MYH6: variants seen among roughly 807,000 people sequenced by gnomAD.
The protein encoded by MYH6 is myosin-6.
MYH6 carries 126 observed loss-of-function variants against 223.2 expected under a neutral mutation model. The observed-to-expected ratio is 0.56, with a 90% CI of 0.49 to 0.65. The LOEUF (loss-of-function observed/expected upper bound fraction) is 0.65. Among genes scored for constraint, MYH6 ranks in the 30% least tolerant of loss-of-function variants. MYH6 has a pLI of 0.00. For synonymous variants in MYH6, 978 were observed against 1,010.2 expected (o/e 0.97, Z 0.61); for missense variants, 2,040 against 2,536.4 (o/e 0.80, Z 4.20).
rs777360238 is a variant in MYH6, at chr14:23,405,272, C to G, written c.453G>C (p.Pro151=). ...AYRGKKRSEA[P]PHIFSISDNA... ...TGTCGGAGATGGAGAAGATGTGGGG[C>G]GGGGCCTCACTCCTCTTCTTGCCCC... Residue 151 remains proline (P), a synonymous_variant, in exon 5 of 39, where the codon CCG becomes CCC. Coordinates refer to ENST00000405093, the MANE Select transcript of MYH6 (RefSeq NM_002471.4). This position sits in a 1 kb window ranked among gnomAD's most constrained non-coding sequence, Gnocchi z 4.7. 6.2e-7 allele frequency: 1 copy of G among 1,614,018 alleles called. No individual in the cohort carries two copies. Among genetic ancestry groups the G allele is most frequent in the Non-Finnish European group, 8.5e-7 (1 of 1,180,032 alleles).
intron 36 of MYH6, among the ~76,000 whole-genome samples, chr14:23,383,587 C>T (rs1461435841): frequency 6.6e-6 from 1 of 152,068 alleles, no homozygotes; most frequent in Non-Finnish European, 1.5e-5. Context: ...AATGGAATTC[C>T]CTAATGTGGT....
chr14:23,403,027 AAGG>A (rs1891657358), intron 10 of MYH6, among the ~76,000 whole-genome samples: 1 of 151,724 alleles, frequency 6.6e-6, no homozygotes, highest in Non-Finnish European at 1.5e-5. Context: ...CTCCAGTAAC[AAGG>A]AGGAGGGAGG....
Position 23,405,377 on chromosome 14 carries a change from G to A in MYH6, c.348C>T (p.Thr116=). ...CAGTGACACAGAAGAGGCCCGAGTAGGTCTGGAGCAGGAGACAAGGCTGGG... is the reference window on the plus strand; with the variant it reads ...CAGTGACACAGAAGAGGCCCGAGTAAGTCTGGAGCAGGAGACAAGGCTGGG... ...KERYAAWMIY[T]YSGLFCVTVN... Residue 116 remains threonine (T), a splice_region_variant and synonymous_variant, in exon 5 of 39, where the codon ACC becomes ACT. Transcript: ENST00000405093. The surrounding 1 kb of genome is among the most constrained non-coding windows in gnomAD (Gnocchi z 4.7). The A allele has an allele frequency of 6.2e-7, 1 of 1,614,156 alleles. No homozygotes were observed. Among genetic ancestry groups the A allele is most frequent in the Non-Finnish European group, 8.5e-7 (1 of 1,179,978 alleles).
intron 36 of MYH6, 60 bp downstream of exon 36, chr14:23,384,382 G>A (rs986654022): frequency 1.2e-6 from 2 of 1,601,374 alleles, no homozygotes; most frequent in East Asian, 2.2e-5. Context: ...GTGAGGGCGG[G>A]GCAGTGGGGC....
rs1595062936 is a variant in MYH6 at position 23,402,818 on chromosome 14, T to A, written c.899-18A>T. The stretch of plus-strand genomic sequence containing the variant: ...CAGCATGTCTGCACCAGGCAAGGGG[T>A]GAGGCAGGGGCAAGGGGGCAGGCGG... On this transcript the variant is annotated intron_variant, in intron 10 of 38. Coordinates refer to ENST00000405093, the MANE Select transcript of MYH6 (RefSeq NM_002471.4). 1 of 1,521,060 alleles carries A rather than the reference T, an allele frequency of 6.6e-7. No homozygotes were observed. Among genetic ancestry groups the A allele is most frequent in the Non-Finnish European group, 8.8e-7 (1 of 1,135,914 alleles). The allele number at this position is 1,521,060 out of a possible 1,614,324, so 94.2% of individuals were successfully genotyped here. A position where few individuals can be genotyped will look rare whatever the true frequency, so the allele number is the denominator to read the frequency against.
rs763070661 is a variant in MYH6, at chr14:23,388,867, T to C, written c.4167A>G (p.Glu1389=). Residue 1389 remains glutamate, a synonymous_variant, in exon 29 of 39, where the codon GAA becomes GAG. Transcript: ENST00000405093. Reference sequence around the variant, plus strand: ...GGGTATCTGGAGCTCACTTGGCCTCTTCGAGCTCCTCAGTCCGCTGAATGG... The same window carrying C: ...GGGTATCTGGAGCTCACTTGGCCTCCTCGAGCTCCTCAGTCCGCTGAATGG... ...TDAIQRTEEL[E]EAKKKLAQRL... is the part of the protein sequence containing the mutation. 3 of 1,613,848 alleles carry C rather than the reference T, an allele frequency of 1.9e-6. No homozygotes were observed. The highest frequency in any genetic ancestry group is 1.7e-5 in the Admixed American group (1 of 60,030).
chr14:23,407,478 G>T lies in MYH6; in HGVS notation c.-14+98C>A. The T allele has an allele frequency of 7.8e-7, 1 of 1,289,684 alleles. No individual in the cohort carries two copies. The highest frequency in any genetic ancestry group is 1.0e-6 in the Non-Finnish European group (1 of 981,466). The allele number at this position is 1,289,684 out of a possible 1,614,324, so 79.9% of individuals were successfully genotyped here. A position where few individuals can be genotyped will look rare whatever the true frequency, so the allele number is the denominator to read the frequency against. ...ATTGGCTGGAGTATGCTAAGGGTTGGCGCTGAGTGCTTGGGACAGCAGACC... is the reference window on the plus strand; with the variant it reads ...ATTGGCTGGAGTATGCTAAGGGTTGTCGCTGAGTGCTTGGGACAGCAGACC... On this transcript the variant is annotated intron_variant, in intron 2 of 38. Coordinates refer to ENST00000405093, the MANE Select transcript of MYH6 (RefSeq NM_002471.4). The surrounding 1 kb of genome is among the most constrained non-coding windows in gnomAD (Gnocchi z 5.6).
chr14:23,388,692 A>G (rs1566507154), intron 29 of MYH6, 167 bp downstream of exon 29: 3 of 1,147,192 alleles, frequency 2.6e-6, no homozygotes, highest in South Asian at 1.2e-5. Flanking sequence ...GGCCAGCCAG[A>G]GTTCACAGAG....
At position 23,386,530 on chromosome 14, in the gene MYH6, C is replaced by T. The variant is rs1050811589; in HGVS notation, c.4744G>A (p.Asp1582Asn). The T allele has an allele frequency of 1.9e-6, 3 of 1,614,120 alleles. No homozygotes were observed. The highest frequency in any genetic ancestry group is 1.7e-6 in the Non-Finnish European group (2 of 1,180,004). Reference sequence around the variant, plus strand: ...CGCTTGGCCTGTTCCATCTCCTCGTCCTTCTCTGCCAGCTTCCGCTCGATC... The same window carrying T: ...CGCTTGGCCTGTTCCATCTCCTCGTTCTTCTCTGCCAGCTTCCGCTCGATC... ...AEIERKLAEK[D>N]EEMEQAKRNH... The change falls in exon 33 of 39, where the codon GAC becomes AAC. Residue 1582 changes from aspartate (D) to asparagine (N), a missense_variant. Transcript: ENST00000405093.
chr14:23,397,932 C>CTCCTCCTCTTCTTCTTCTTCT (rs1891452078), intron 15 of MYH6, among the ~76,000 whole-genome samples: 1 of 90,142 alleles, frequency 1.1e-5, no homozygotes, highest in African/African-American at 4.3e-5. Context: ...CCTCCTCCTC[C>CTCCTCCTCTTCTTCTTCTTCT]TCTTCTTCTT....
rs1270444359 is a variant in MYH6 at position 23,407,207 on chromosome 14, A to G, written c.17T>C (p.Met6Thr). 5.0e-6 allele frequency: 8 copies of G among 1,614,212 alleles called. No homozygotes were observed. Among genetic ancestry groups the G allele is most frequent in the Non-Finnish European group, 6.8e-6 (8 of 1,180,040 alleles). ...CTGGGCCGCTGCCCCAAAGTCAGCC[A>G]TCTGGGCATCGGTCATCTTGGTGCT... MTDAQ[M>T]ADFGAAAQYL... Residue 6 changes from methionine to threonine, a missense_variant, in exon 3 of 39, where the codon ATG (methionine) becomes ACG (threonine). Physicochemically the swap from Met to Thr is moderately conservative, Grantham distance 81. This residue lies in a region of MYH6 where 184 missense variants were observed against 232.4 expected (regional missense o/e 0.79). Coordinates refer to ENST00000405093, the MANE Select transcript of MYH6 (RefSeq NM_002471.4). This position sits in a 1 kb window ranked among gnomAD's most constrained non-coding sequence, Gnocchi z 5.6.
In MYH6 at chr14:23,398,732, A is replaced by G. The variant is rs2138609012; in HGVS notation, c.1887T>C (p.Asp629=). ...GTGCAGGGGCTGCCTGCTTACCAGT[A>G]TCGGCAGTTGCGTAGGAGGAGAAGA... The part of the protein sequence containing the change: ...ATLFSSYATA[D]TGDSGKSKGG... Residue 629 remains aspartate, a synonymous_variant, in exon 15 of 39, where the codon GAT becomes GAC. Transcript: ENST00000405093. 6.2e-7 allele frequency: 1 copy of G among 1,614,168 alleles called. No individual in the cohort carries two copies. Among genetic ancestry groups the G allele is most frequent in the Non-Finnish European group, 8.5e-7 (1 of 1,180,034 alleles).
rs1208217893 is a variant in MYH6 at position 23,397,228 on chromosome 14, C to T, written c.1992G>A (p.Leu664=). The change falls in exon 17 of 39, where the codon CTG becomes CTA. Residue 664 remains leucine, a synonymous_variant. Transcript: ENST00000405093. ...GCACAAAGTGAGGATGGGTGGTCCTCAGGTTGGTCATTAGCTTGTTGAGAT... is the reference window on the plus strand; with the variant it reads ...GCACAAAGTGAGGATGGGTGGTCCTTAGGTTGGTCATTAGCTTGTTGAGAT... ...RENLNKLMTN[L]RTTHPHFVRC... is the part of the protein sequence containing the mutation. 46 of 1,614,188 alleles carry T rather than the reference C, an allele frequency of 2.8e-5. No homozygotes were observed. The highest frequency in any genetic ancestry group is 3.7e-5 in the Non-Finnish European group (44 of 1,180,038).
intron 14 of MYH6, 86 bp from the exon 15 acceptor site, chr14:23,399,123 T>C: frequency 1.3e-6 from 2 of 1,543,208 alleles, no homozygotes; most frequent in Non-Finnish European, 1.8e-6. Context: ...GGAAAAGGAA[T>C]CTGGAGCCAG....
In MYH6 at chr14:23,399,032, C is replaced by T; in HGVS notation, c.1587G>A (p.Met529Ile). The change falls in exon 15 of 39, where the codon ATG (methionine) becomes ATA (isoleucine). Residue 529 changes from methionine (M) to isoleucine (I), a missense_variant. Met to Ile is a conservative substitution (Grantham distance 10). Around this residue, in one of 4 missense-constraint regions of MYH6, gnomAD observed 649 missense variants for 877.3 expected, o/e 0.74. Transcript: ENST00000405093. Reference sequence around the variant, plus strand: ...CCTCCTCCAGGATGGACATGATGCCCATGGGCTGAGGGCAGGGTGAAGAGG... The same window carrying T: ...CCTCCTCCAGGATGGACATGATGCCTATGGGCTGAGGGCAGGGTGAAGAGG... The part of the protein sequence containing the change: ...QACIDLIEKP[M>I]GIMSILEEEC... 1 of 1,614,096 alleles carries T rather than the reference C, an allele frequency of 6.2e-7. No individual in the cohort carries two copies. Among genetic ancestry groups the T allele is most frequent in the Non-Finnish European group, 8.5e-7 (1 of 1,180,016 alleles).
chr14:23,390,520 A>G (rs1891208361), intron 25 of MYH6, 74 bp from the exon 26 acceptor site: 1 of 1,567,462 alleles, frequency 6.4e-7, no homozygotes, highest in African/African-American at 1.4e-5. Flanking sequence ...CTGAAAAGCT[A>G]CCAGGAACTT....
chr14:23,382,214 T>C (rs960270345), intron 38 of MYH6, 151 bp from the exon 39 acceptor site: 1 of 1,122,654 alleles, frequency 8.9e-7, no homozygotes, highest in Non-Finnish European at 1.4e-6. Context: ...TTAGAGGCAC[T>C]TGTGGTTTAG....
intron 25 of MYH6, among the ~76,000 whole-genome samples, chr14:23,390,734 T>C (rs890929602): frequency 2.0e-5 from 3 of 152,152 alleles, no homozygotes; most frequent in Non-Finnish European, 4.4e-5. Flanking sequence ...AGACCCAGTG[T>C]GAGCATCTGC....
chr14:23,397,935 T>C (rs28535772), intron 15 of MYH6, among the ~76,000 whole-genome samples: 2,984 of 56,048 alleles, frequency 0.053, 25 homozygotes, highest in South Asian at 0.083. Context: ...CCTCCTCCTC[T>C]TCTTCTTCTT....
Sources: gnomAD v4.1 joint callset for allele counts (sites outside exome capture counted in the v4.1 genomes callset) on GRCh38, gnomAD v4.1.1 for gene constraint, gnomAD v4.1.1 regional missense constraint, Gnocchi (gnomAD v3.1) non-coding constraint, MANE v1.5 for transcripts, NCBI Gene and HGNC (gene_info 2026-07-23, HGNC 2026-07-21) for gene names.